NCAM2: variants seen among roughly 807,000 people sequenced by gnomAD.
NCAM2 encodes the protein neural cell adhesion molecule 2, also known as N-CAM-2.
In NCAM2, 30 loss-of-function variants were observed where a neutral mutation model predicts 98.1. That is an observed-to-expected ratio of 0.31 (90% confidence interval 0.23 to 0.41). The LOEUF is 0.41. Ranked by LOEUF, NCAM2 falls within the 10% of genes least tolerant of loss-of-function variation. The pLI is 1.00. For synonymous variants in NCAM2, 368 were observed against 342.4 expected, an observed-to-expected ratio of 1.07 and a Z score of -0.83; for missense variants, 867 against 1,005.8, an observed-to-expected ratio of 0.86 and a Z score of 1.87.
At chr21:21,119,905 T>C (rs1037383606) in intron 1 of NCAM2, among the ~76,000 whole-genome samples, 1 of 152,252 alleles carries the variant, frequency 6.6e-6, no homozygotes. Context: ...CTATTGTTTG[T>C]GTTCAAGCAT....
At chr21:21,488,993 A>AT (rs915803520) in intron 15 of NCAM2, among the ~76,000 whole-genome samples, 6 of 151,562 alleles carry the variant, frequency 4.0e-5, no homozygotes, top group Non-Finnish European at 8.8e-5. Flanking sequence ...TTATTTATTT[A>AT]TTTTTTTATT....
At chr21:21,091,862 C>CT (rs1296660581) in intron 1 of NCAM2, among the ~76,000 whole-genome samples, 1 of 151,924 alleles carries the variant, frequency 6.6e-6, no homozygotes, top group Non-Finnish European at 1.5e-5. Context: ...CTTCCTTTGA[C>CT]TTTTTTTAAA....
chr21:21,268,691 C>T (rs907134668), intron 1 of NCAM2, among the ~76,000 whole-genome samples: 1 of 152,186 alleles, frequency 6.6e-6, no homozygotes, highest in Non-Finnish European at 1.5e-5. Context: ...TCTTCTGATT[C>T]ACTTTGCTTC....
At chr21:21,360,199 T>C (rs944298392) in intron 8 of NCAM2, among the ~76,000 whole-genome samples, 9 of 151,896 alleles carry the variant, frequency 5.9e-5, no homozygotes, top group South Asian at 2.1e-4. Context: ...AAAATTGCCT[T>C]AACACAGAAG....
intron 1 of NCAM2, among the ~76,000 whole-genome samples, chr21:21,231,405 CTT>C (rs918891712): frequency 6.0e-5 from 9 of 151,164 alleles, no homozygotes; most frequent in African/African-American, 2.2e-4. Context: ...CAGTATAAGA[CTT>C]TCACTTTTGG....
intron 1 of NCAM2, among the ~76,000 whole-genome samples, chr21:21,000,826 A>G (rs2064007697): frequency 6.6e-6 from 1 of 152,144 alleles, no homozygotes; most frequent in Non-Finnish European, 1.5e-5. Flanking sequence ...CAATTCCTCT[A>G]TGCTAGTGTT....
At position 21,034,054 on chromosome 21, in the gene NCAM2, G is replaced by T. The variant is rs34640933; in HGVS notation, c.55+35436G>T. ...GTTGTGAGATAAGAGATAGGCAAAG[G>T]GGGGGGGGAAACAAAGATTGAGATA... On this transcript the variant is annotated intron_variant, in intron 1 of 17. Transcript: ENST00000400546. Among the ~76,000 whole-genome samples the T allele has an allele frequency of 6.5e-3, 963 of 147,962 alleles. 6 individuals carry two copies. Among genetic ancestry groups the T allele is most frequent in the Middle Eastern group, 0.041 (12 of 290 alleles).
intron 12 of NCAM2, among the ~76,000 whole-genome samples, chr21:21,438,151 A>T (rs1978670305): frequency 6.6e-6 from 1 of 152,112 alleles, no homozygotes; most frequent in Non-Finnish European, 1.5e-5. Context: ...ATTCTAATTT[A>T]TGTGAGTTTA....
chr21:21,132,770 A>T (rs991673950), intron 1 of NCAM2, among the ~76,000 whole-genome samples: 7 of 151,804 alleles, frequency 4.6e-5, no homozygotes, highest in African/African-American at 1.7e-4. Flanking sequence ...ACCAAGAGAG[A>T]CAAGAACATA....
At chr21:21,146,040 C>T (rs2067266848) in intron 1 of NCAM2, among the ~76,000 whole-genome samples, 1 of 151,984 alleles carries the variant, frequency 6.6e-6, no homozygotes, top group African/African-American at 2.4e-5. Flanking sequence ...CAGAGAAACA[C>T]GTTTTTTGAC....
chr21:21,236,993 T>A (rs73316771), intron 1 of NCAM2, among the ~76,000 whole-genome samples: 1,912 of 152,272 alleles, frequency 0.013, 49 homozygotes, highest in African/African-American at 0.044. Context: ...TGTCTTTTTA[T>A]TTTCCTTAAG....
rs553545074 is a variant in NCAM2, at chr21:21,095,569, A to G, written c.55+96951A>G. 5.9e-5 allele frequency among the ~76,000 whole-genome samples: 9 copies of G among 151,758 alleles called. No individual in the cohort carries two copies. In the East Asian group the frequency reaches 9.7e-4, roughly 16 times the overall value. ...AAAAAGTAAGTATGGAGGAAAAATA[A>G]GTAAGTGAGGCTAAATAAGTTCTTT... On this transcript the variant is annotated intron_variant, in intron 1 of 17. Transcript: ENST00000400546.
At chr21:21,413,662 T>C (rs1439051653) in intron 10 of NCAM2, among the ~76,000 whole-genome samples, 1 of 152,160 alleles carries the variant, frequency 6.6e-6, no homozygotes, top group Admixed American at 6.5e-5. Context: ...TATAAAAAGG[T>C]CTACATAACA....
intron 8 of NCAM2, among the ~76,000 whole-genome samples, chr21:21,350,574 G>T (rs980455915): frequency 6.6e-6 from 1 of 152,078 alleles, no homozygotes; most frequent in Admixed American, 6.6e-5. Flanking sequence ...GTTGAACTGT[G>T]CATATGAATA....
At chr21:21,285,275 T>C (rs577252513) in intron 3 of NCAM2, among the ~76,000 whole-genome samples, 27 of 151,960 alleles carry the variant, frequency 1.8e-4, no homozygotes, top group Non-Finnish European at 2.5e-4. Flanking sequence ...CTCATATCTG[T>C]AGCTTTGTGT....
At chr21:21,220,082 TA>T (rs1195368364) in intron 1 of NCAM2, among the ~76,000 whole-genome samples, 1 of 151,844 alleles carries the variant, frequency 6.6e-6, no homozygotes, top group Non-Finnish European at 1.5e-5. Flanking sequence ...CTTTATAAAG[TA>T]AAAAAAGTTG....
intron 5 of NCAM2, among the ~76,000 whole-genome samples, chr21:21,316,004 A>G (rs532362263): frequency 1.3e-5 from 2 of 152,294 alleles, no homozygotes; most frequent in South Asian, 2.1e-4. Context: ...ATTAATATAT[A>G]TATTAACAAA....
chr21:21,410,298 A>G lies in NCAM2; in HGVS notation c.1220A>G (p.Gln407Arg). The change falls in exon 10 of 18, where the codon CAA becomes CGA. Residue 407 changes from glutamine to arginine, a missense_variant. Around this residue, in one of 5 missense-constraint regions of NCAM2, gnomAD observed 447 missense variants for 495.7 expected, o/e 0.90. Coordinates refer to ENST00000400546, the MANE Select transcript of NCAM2 (RefSeq NM_004540.5). ...IEYAPKFISN[Q>R]TIYYSWEGNP... ...GATGCCCCCAAGTTTATATCAAACC[A>G]AACAATTTATTACTCTTGGGAAGGA... 6.4e-7 allele frequency: 1 copy of G among 1,572,212 alleles called. No individual in the cohort carries two copies. Among genetic ancestry groups the G allele is most frequent in the South Asian group, 1.2e-5 (1 of 83,300 alleles).
intron 1 of NCAM2, among the ~76,000 whole-genome samples, chr21:21,201,595 C>T (rs2069223271): frequency 6.6e-6 from 1 of 152,206 alleles, no homozygotes. Context: ...TAAATATTCA[C>T]TAGATGGATA....
Sources: gnomAD v4.1 joint callset for allele counts (sites outside exome capture counted in the v4.1 genomes callset) on GRCh38, gnomAD v4.1.1 for gene constraint, gnomAD v4.1.1 regional missense constraint, MANE v1.5 for transcripts, NCBI Gene and HGNC (gene_info 2026-07-23, HGNC 2026-07-21) for gene names.